PPP4C: variants seen among roughly 807,000 people sequenced by gnomAD.
PPP4C encodes the protein protein phosphatase 4 catalytic subunit, also known as serine/threonine-protein phosphatase 4 catalytic subunit.
In PPP4C, 10 loss-of-function variants were observed where a neutral mutation model predicts 40.5. That is an observed-to-expected ratio of 0.25 (90% confidence interval 0.15 to 0.42). The LOEUF (loss-of-function observed/expected upper bound fraction) is 0.42, where lower values mean the gene tolerates loss of function less well. Ranked by LOEUF, PPP4C falls within the 10% of genes least tolerant of loss-of-function variation. The pLI is 1.00. For missense variants in PPP4C, 191 were observed against 416.4 expected, an observed-to-expected ratio of 0.46 and a Z score of 4.71; for synonymous variants, 187 against 163.6, an observed-to-expected ratio of 1.14 and a Z score of -1.09.
At chr16:30,082,085 A>G (rs1388602844) in intron 3 of PPP4C, among the ~76,000 whole-genome samples, 1 of 150,824 alleles carries the variant, frequency 6.6e-6, no homozygotes, top group Non-Finnish European at 1.5e-5. Flanking sequence ...AAGAAAAGAA[A>G]GGGGTTATGG....
At chr16:30,077,921 C>T (rs2072432791) in intron 2 of PPP4C, among the ~76,000 whole-genome samples, 1 of 152,176 alleles carries the variant, frequency 6.6e-6, no homozygotes, top group East Asian at 1.9e-4. Context: ...CCAGACAGGG[C>T]CTGTGAGGGG....
At position 30,083,337 on chromosome 16, in the gene PPP4C, G is replaced by C. The variant is rs562153153; in HGVS notation, c.304-57G>C. 6.4e-7 allele frequency: 1 copy of C among 1,564,422 alleles called. No homozygotes were observed. The highest frequency in any genetic ancestry group is 1.3e-5 in the African/African-American group (1 of 74,462). ...GGCTGGCGGGCACGAGGAGGTCAGAGAGGGATGTGTGGAGAGACCGTCTAG... is the reference window on the plus strand; with the variant it reads ...GGCTGGCGGGCACGAGGAGGTCAGACAGGGATGTGTGGAGAGACCGTCTAG... On this transcript the variant is annotated intron_variant, in intron 5 of 8. Coordinates refer to ENST00000279387, the MANE Select transcript of PPP4C (RefSeq NM_002720.3). This position sits in a 1 kb window ranked among gnomAD's most constrained non-coding sequence, Gnocchi z 6.3.
At chr16:30,077,436 G>A (rs1480696715) in intron 2 of PPP4C, among the ~76,000 whole-genome samples, 1 of 152,158 alleles carries the variant, frequency 6.6e-6, no homozygotes, top group East Asian at 1.9e-4. Flanking sequence ...GTGGAGGTAG[G>A]CCTTGAAGGA....
chr16:30,084,864 G>A lies in PPP4C; in HGVS notation c.794+9G>A, dbSNP rs763395469. On this transcript the variant is annotated intron_variant, in intron 8 of 8. Coordinates refer to ENST00000279387, the MANE Select transcript of PPP4C (RefSeq NM_002720.3). ...CCCAACTACTGCTACCGGTGAGCCG[G>A]CTGGGCCGGGCTGGGATGGGCGGGC... 3 of 1,613,944 alleles carry A rather than the reference G, an allele frequency of 1.9e-6. No individual in the cohort carries two copies. In the Admixed American group the frequency reaches 5.0e-5, roughly 27 times the overall value.
intron 2 of PPP4C, 107 bp downstream of exon 2, chr16:30,076,582 C>A: frequency 8.7e-7 from 1 of 1,150,020 alleles, no homozygotes. Context: ...TGGAAGCTTT[C>A]CCAGAGAGGA....
Position 30,084,648 on chromosome 16 carries a change from C to A in PPP4C, c.605-18C>A. 25 of 1,612,062 alleles carry A rather than the reference C, an allele frequency of 1.6e-5. 1 individual carries two copies. The highest frequency in any genetic ancestry group is 2.1e-5 in the Non-Finnish European group (25 of 1,178,252). On this transcript the variant is annotated intron_variant, in intron 7 of 8. Transcript: ENST00000279387. The stretch of plus-strand genomic sequence containing the variant: ...AAGCCTGAGGACATCCCTCTCCATC[C>A]CTCCCTTTCCGCATCAGACACCACA...
rs536280015 is a variant in PPP4C, at chr16:30,076,006, AGCGGCG to A, written c.-132_-127del. 1,066 of 351,718 alleles carry A rather than the reference AGCGGCG, an allele frequency of 3.0e-3. 12 individuals are homozygous for A. The highest frequency in any genetic ancestry group is 0.022 in the African/African-American group (963 of 44,422). The allele number at this position is 351,718 out of a possible 1,614,324, so 21.8% of individuals were successfully genotyped here. A position where few individuals can be genotyped will look rare whatever the true frequency, so the allele number is the denominator to read the frequency against. ...CTTCCGCGGCGGGGCCGGAAGTAGG[AGCGGCG>A]GCGGCGGCGGCGGCGGCGGTCGAAA... On this transcript the variant is annotated 5_prime_UTR_variant, in exon 1 of 9. Coordinates refer to ENST00000279387, the MANE Select transcript of PPP4C (RefSeq NM_002720.3).
At chr16:30,077,068 T>C (rs1443443662) in intron 2 of PPP4C, among the ~76,000 whole-genome samples, 2 of 151,990 alleles carry the variant, frequency 1.3e-5, no homozygotes, top group Admixed American at 6.6e-5. Context: ...GCCTGAGAAA[T>C]CGTAGCAAGT....
chr16:30,083,443 G>A lies in PPP4C; in HGVS notation c.353G>A (p.Arg118His). 1 of 1,614,032 alleles carries A rather than the reference G, an allele frequency of 6.2e-7. No individual in the cohort carries two copies. The highest frequency in any genetic ancestry group is 8.5e-7 in the Non-Finnish European group (1 of 1,180,026). ...CTGATCCGGGGCAACCATGAGAGTC[G>A]CCAGATCACGCAGGTCTATGGCTTC... ...ITLIRGNHES[R>H]QITQVYGFYD... Residue 118 changes from arginine (R) to histidine (H), a missense_variant, in exon 6 of 9, where the codon CGC becomes CAC. Arg to His is a conservative substitution (Grantham distance 29). Around this residue, in one of 3 missense-constraint regions of PPP4C, gnomAD observed 171 missense variants for 352.4 expected, o/e 0.49. Coordinates refer to ENST00000279387, the MANE Select transcript of PPP4C (RefSeq NM_002720.3). This position sits in a 1 kb window ranked among gnomAD's most constrained non-coding sequence, Gnocchi z 6.3.
chr16:30,081,144 T>C, intron 2 of PPP4C, 115 bp from the exon 3 acceptor site: 1 of 1,466,012 alleles, frequency 6.8e-7, no homozygotes, highest in Admixed American at 1.7e-5. Flanking sequence ...TACGCTTCAC[T>C]CCTGCCCCCT....
intron 2 of PPP4C, among the ~76,000 whole-genome samples, chr16:30,080,977 G>A (rs894899137): frequency 6.6e-6 from 1 of 152,182 alleles, no homozygotes; most frequent in African/African-American, 2.4e-5. Flanking sequence ...TGCGGAAGAG[G>A]GAGCGGCAGG....
chr16:30,082,406 A>G, intron 3 of PPP4C, 78 bp from the exon 4 acceptor site: 1 of 1,425,224 alleles, frequency 7.0e-7, no homozygotes, highest in East Asian at 2.3e-5. Flanking sequence ...AAAGCTCACT[A>G]AAGCAGCGGG....
At position 30,076,306 on chromosome 16, in the gene PPP4C, C is replaced by G. The variant is rs2072392790; in HGVS notation, c.-63-9C>G. ...CACTGATCCGCGGGCTCGTCTTGGC[C>G]TTTCCCAGGAGACCCCTGTGCGGTG... On this transcript the variant is annotated splice_polypyrimidine_tract_variant and intron_variant, in intron 1 of 8. Transcript: ENST00000279387. 1 of 1,509,290 alleles carries G rather than the reference C, an allele frequency of 6.6e-7. No individual in the cohort carries two copies. Among genetic ancestry groups the G allele is most frequent in the Admixed American group, 1.8e-5 (1 of 55,522 alleles). 93.5% of individuals were successfully genotyped at this position (1,509,290 alleles called of 1,614,324 possible).
In PPP4C at chr16:30,083,288, T is replaced by C. The variant is rs766046239; in HGVS notation, c.304-106T>C. ...CAGGCAAGAGGTGCCAGGAGTGTGC[T>C]GGGCAGTGGTTGTGAGGATGGCAGG... is the stretch of plus-strand genomic sequence containing the variant. On this transcript the variant is annotated intron_variant, in intron 5 of 8. Transcript: ENST00000279387. This position sits in a 1 kb window ranked among gnomAD's most constrained non-coding sequence, Gnocchi z 6.3. The C allele has an allele frequency of 7.4e-5, 96 of 1,297,990 alleles. No homozygotes were observed. Among genetic ancestry groups the C allele is most frequent in the Non-Finnish European group, 9.8e-5 (91 of 929,030 alleles). 80.4% of individuals were successfully genotyped at this position (1,297,990 alleles called of 1,614,324 possible). A position where few individuals can be genotyped will look rare whatever the true frequency, so the allele number is the denominator to read the frequency against.
chr16:30,078,521 G>T (rs917952914), intron 2 of PPP4C, among the ~76,000 whole-genome samples: 5 of 152,128 alleles, frequency 3.3e-5, no homozygotes, highest in Admixed American at 3.3e-4. Context: ...TGAGTTGGCC[G>T]CTGTTGTCCC....
At chr16:30,082,374 T>C (rs866231015) in intron 3 of PPP4C, 110 bp from the exon 4 acceptor site, 27 of 1,193,214 alleles carry the variant, frequency 2.3e-5, no homozygotes, top group African/African-American at 2.1e-4. Context: ...TCCTAGGAAG[T>C]AGAAGTGCAG....
rs1363675497 is a variant in PPP4C at position 30,083,257 on chromosome 16, A to G, written c.304-137A>G. The G allele has an allele frequency of 9.7e-7, 1 of 1,026,256 alleles. No individual in the cohort carries two copies. Among genetic ancestry groups the G allele is most frequent in the Non-Finnish European group, 1.4e-6 (1 of 695,172 alleles). 63.6% of individuals were successfully genotyped at this position (1,026,256 alleles called of 1,614,324 possible). On this transcript the variant is annotated intron_variant, in intron 5 of 8. Coordinates refer to ENST00000279387, the MANE Select transcript of PPP4C (RefSeq NM_002720.3). This position sits in a 1 kb window ranked among gnomAD's most constrained non-coding sequence, Gnocchi z 6.3. ...GGGCCTGGGAGGTGGCTGATGCCAC[A>G]CGATTCAGGCAAGAGGTGCCAGGAG... is the stretch of plus-strand genomic sequence containing the variant.
At chr16:30,082,679 C>T in intron 4 of PPP4C, 67 bp from the exon 5 acceptor site, 1 of 1,547,976 alleles carries the variant, frequency 6.5e-7, no homozygotes, top group Admixed American at 1.7e-5. Context: ...AGGGCCTCCG[C>T]TGGACAGAAA....
Position 30,085,239 on chromosome 16 carries a change from CCTCCTCCTCT to C in PPP4C, c.*182_*191del. The C allele has an allele frequency of 1.7e-6, 1 of 585,094 alleles. No homozygotes were observed. The highest frequency in any genetic ancestry group is 2.9e-6 in the Non-Finnish European group (1 of 349,168). 36.2% of individuals were successfully genotyped at this position (585,094 alleles called of 1,614,324 possible). A position where few individuals can be genotyped will look rare whatever the true frequency, so the allele number is the denominator to read the frequency against. On this transcript the variant is annotated 3_prime_UTR_variant, in exon 9 of 9. Transcript: ENST00000279387. ...AGGCCTGGAGACCTAGCTCCATGTTCCTCCTCCTCTCTCCCCACTTGAACCATGAAGTTTC... is the reference window on the plus strand; with the variant it reads ...AGGCCTGGAGACCTAGCTCCATGTTCCTCCCCACTTGAACCATGAAGTTTC...
Sources: allele counts gnomAD v4.1 joint callset (sites outside exome capture counted in the v4.1 genomes callset), GRCh38; gene constraint gnomAD v4.1.1; regional missense constraint gnomAD v4.1.1; non-coding constraint Gnocchi (gnomAD v3.1); transcripts MANE v1.5; gene names NCBI Gene and HGNC (gene_info 2026-07-23, HGNC 2026-07-21).